ITGA3: variants seen among roughly 807,000 people sequenced by gnomAD.
ITGA3 encodes the protein integrin subunit alpha 3.
A neutral mutation model predicts 131.1 loss-of-function variants in ITGA3; 70 were observed. The observed-to-expected ratio is 0.53, with a 90% confidence interval of 0.44 to 0.65. ITGA3 has a LOEUF of 0.65. ITGA3 is among the 30% of genes least tolerant of loss of function. The pLI is 0.00. For synonymous variants in ITGA3, 537 were observed against 571.6 expected, an observed-to-expected ratio of 0.94 and a Z score of 0.86; for missense variants, 1,098 against 1,388.6, an observed-to-expected ratio of 0.79 and a Z score of 3.33.
intron 4 of ITGA3, among the ~76,000 whole-genome samples, chr17:50,069,342 C>T (rs1241585612): frequency 2.0e-5 from 3 of 152,172 alleles, no homozygotes; most frequent in African/African-American, 4.8e-5. Flanking sequence ...CTGGTACAAC[C>T]ACTACATAGT....
At chr17:50,071,702 C>T (rs780925917) in intron 6 of ITGA3, 184 bp downstream of exon 6, 27 of 642,852 alleles carry the variant, frequency 4.2e-5, no homozygotes, top group Non-Finnish European at 5.6e-5. Flanking sequence ...GGGACCCCTG[C>T]GTTTGCTTGT....
intron 1 of ITGA3, 123 bp from the exon 2 acceptor site, chr17:50,063,954 A>G: frequency 7.4e-7 from 1 of 1,356,058 alleles, no homozygotes; most frequent in Non-Finnish European, 1.0e-6. Context: ...GCACTTCTGG[A>G]GGGCAGGAGC....
intron 1 of ITGA3, among the ~76,000 whole-genome samples, chr17:50,057,195 A>G (rs760747570): frequency 2.7e-4 from 41 of 152,108 alleles, no homozygotes; most frequent in South Asian, 6.2e-4. Flanking sequence ...AGCTGTCCAT[A>G]CGCTCCCTCT....
Position 50,079,511 on chromosome 17 carries a change from C to T in ITGA3, c.2660C>T (p.Pro887Leu), listed in dbSNP as rs1456957678. Residue 887 changes from proline to leucine, a missense_variant, in exon 21 of 26, where the codon CCT becomes CTT. By Grantham distance (98) the Pro-to-Leu change is moderately conservative (BLOSUM62 -3). Around this residue, in one of 3 missense-constraint regions of ITGA3, gnomAD observed 699 missense variants for 829.2 expected, o/e 0.84. Coordinates refer to ENST00000320031, the MANE Select transcript of ITGA3 (RefSeq NM_002204.4). ...CCAGGGGGAGGCCAGGGCCCCCCAC[C>T]TGTCACTCTGGCTGCTGCCAAAAAA... The part of the protein sequence containing the change: ...LDPGGGQGPP[P>L]VTLAAAKKAK... 2 of 1,574,436 alleles carry T rather than the reference C, an allele frequency of 1.3e-6. No individual in the cohort carries two copies. The highest frequency in any genetic ancestry group is 1.4e-5 in the African/African-American group (1 of 73,494).
rs1907852608 is a variant in ITGA3 at position 50,056,899 on chromosome 17, G to C, written c.206+254G>C. ...GCCCTTTAGATCTCTCATGAGAGCG[G>C]AAGTGGGGTCCCGGTGGCTGAGTCC... is the stretch of plus-strand genomic sequence containing the variant. On this transcript the variant is annotated intron_variant, in intron 1 of 25. Coordinates refer to ENST00000320031, the MANE Select transcript of ITGA3 (RefSeq NM_002204.4). The surrounding 1 kb of genome is among the most constrained non-coding windows in gnomAD (Gnocchi z 5.6). Among the ~76,000 whole-genome samples the C allele has an allele frequency of 6.6e-6, 1 of 152,182 alleles. No individual in the cohort carries two copies. Among genetic ancestry groups the C allele is most frequent in the Admixed American group, 6.5e-5 (1 of 15,284 alleles).
Position 50,074,468 on chromosome 17 carries a change from T to C in ITGA3, c.1403T>C (p.Ile468Thr), listed in dbSNP as rs1180951579. 6.2e-7 allele frequency: 1 copy of C among 1,614,018 alleles called. No individual in the cohort carries two copies. Among genetic ancestry groups the C allele is most frequent in the East Asian group, 2.2e-5 (1 of 44,900 alleles). ...VLLRARPVIN[I>T]VHKTLVPRPA... ...TGCAGGGCCCGGCCCGTCATCAACA[T>C]CGTCCACAAGACCTTGGTGCCCAGG... is the stretch of plus-strand genomic sequence containing the variant. The change falls in exon 10 of 26, where the codon ATC (isoleucine) becomes ACC (threonine). Residue 468 changes from isoleucine (I) to threonine (T), a missense_variant. Ile to Thr is a moderately conservative substitution (Grantham distance 89, BLOSUM62 -1). Around this residue, in one of 3 missense-constraint regions of ITGA3, gnomAD observed 699 missense variants for 829.2 expected, o/e 0.84. Transcript: ENST00000320031.
intron 25 of ITGA3, 97 bp from the exon 26 acceptor site, chr17:50,089,013 G>C: frequency 2.2e-6 from 2 of 895,812 alleles, no homozygotes; most frequent in Non-Finnish European, 3.6e-6. Context: ...TTCTGGCTTT[G>C]AGGAGTTCTG....
Position 50,089,315 on chromosome 17 carries a change from A to G in ITGA3, c.*237A>G, listed in dbSNP as rs915227795. 37 of 1,534,074 alleles carry G rather than the reference A, an allele frequency of 2.4e-5. No homozygotes were observed. The highest frequency in any genetic ancestry group is 3.0e-5 in the Non-Finnish European group (34 of 1,121,854). On this transcript the variant is annotated 3_prime_UTR_variant, in exon 26 of 26. Transcript: ENST00000320031. ...CTCCCCCAGTGTCCCCTTTCTTCCT[A>G]TTTATCATAAGTTATGCCTCTGACA...
chr17:50,068,002 C>T, intron 3 of ITGA3, 54 bp from the exon 4 acceptor site: 1 of 1,605,238 alleles, frequency 6.2e-7, no homozygotes, highest in Non-Finnish European at 8.5e-7. Context: ...AAAGAGACAG[C>T]TGACCCGGGT....
At chr17:50,088,193 G>A in intron 24 of ITGA3, 32 bp from the exon 25 acceptor site, 1 of 1,544,332 alleles carries the variant, frequency 6.5e-7, no homozygotes, top group Non-Finnish European at 8.7e-7. Context: ...GCGCCCCCCT[G>A]ATGGCCCGTC....
chr17:50,067,984 A>G (rs1908413267), intron 3 of ITGA3, 72 bp from the exon 4 acceptor site: 1 of 1,586,894 alleles, frequency 6.3e-7, no homozygotes, highest in Non-Finnish European at 8.6e-7. Context: ...CCAGAGGCTT[A>G]CAGGGTAAAA....
In ITGA3 at chr17:50,076,701, C is replaced by T. The variant is rs1446729969; in HGVS notation, c.1922+20C>T. On this transcript the variant is annotated intron_variant, in intron 14 of 25. Transcript: ENST00000320031. ...GAGCAGGTGGCTGTGGGCCGCCGGCCGCGTTAATCGGCCAAGGGTGGGACG... is the reference window on the plus strand; with the variant it reads ...GAGCAGGTGGCTGTGGGCCGCCGGCTGCGTTAATCGGCCAAGGGTGGGACG... 6.3e-7 allele frequency: 1 copy of T among 1,589,094 alleles called. No individual in the cohort carries two copies. Among genetic ancestry groups the T allele is most frequent in the Non-Finnish European group, 8.6e-7 (1 of 1,158,646 alleles).
chr17:50,089,312 C>A lies in ITGA3; in HGVS notation c.*234C>A. Reference sequence around the variant, plus strand: ...CTCCTCCCCCAGTGTCCCCTTTCTTCCTATTTATCATAAGTTATGCCTCTG... The same window carrying A: ...CTCCTCCCCCAGTGTCCCCTTTCTTACTATTTATCATAAGTTATGCCTCTG... On this transcript the variant is annotated 3_prime_UTR_variant, in exon 26 of 26. Transcript: ENST00000320031. The A allele has an allele frequency of 6.5e-7, 1 of 1,530,256 alleles. No individual in the cohort carries two copies. Among genetic ancestry groups the A allele is most frequent in the Non-Finnish European group, 9.0e-7 (1 of 1,113,976 alleles). 94.8% of individuals were successfully genotyped at this position (1,530,256 alleles called of 1,614,324 possible).
At chr17:50,074,725 G>A (rs755585914) in intron 10 of ITGA3, among the ~76,000 whole-genome samples, 191 bp downstream of exon 10, 4 of 152,182 alleles carry the variant, frequency 2.6e-5, no homozygotes, top group Admixed American at 6.5e-5. Flanking sequence ...GGATGAAGTC[G>A]GGGGCAGTAG....
At chr17:50,085,788 ATG>A (rs1909364053) in intron 23 of ITGA3, among the ~76,000 whole-genome samples, 1 of 120,074 alleles carries the variant, frequency 8.3e-6, no homozygotes, top group African/African-American at 2.9e-5. Flanking sequence ...TAGATTTATA[ATG>A]TATATTAGAT....
At position 50,064,359 on chromosome 17, in the gene ITGA3, C is replaced by A; in HGVS notation, c.334+155C>A. 2 of 1,157,398 alleles carry A rather than the reference C, an allele frequency of 1.7e-6. No individual in the cohort carries two copies. Among genetic ancestry groups the A allele is most frequent in the Non-Finnish European group, 2.4e-6 (2 of 818,312 alleles). The allele number at this position is 1,157,398 out of a possible 1,614,324, so 71.7% of individuals were successfully genotyped here. ...GAGGGTGCCCTAGAGGAGAGTGGGG[C>A]TGGATGGGATTGGTAGAGCTCAGAA... is the stretch of plus-strand genomic sequence containing the variant. On this transcript the variant is annotated intron_variant, in intron 2 of 25. Transcript: ENST00000320031. This position sits in a 1 kb window ranked among gnomAD's most constrained non-coding sequence, Gnocchi z 4.4.
At chr17:50,069,533 G>T (rs1202578338) in intron 4 of ITGA3, among the ~76,000 whole-genome samples, 1 of 152,066 alleles carries the variant, frequency 6.6e-6, no homozygotes, top group Non-Finnish European at 1.5e-5. Context: ...AGGTGTGGTG[G>T]CACACACCTA....
chr17:50,070,964 G>A (rs756850578), intron 5 of ITGA3, 34 bp downstream of exon 5: 7 of 1,332,968 alleles, frequency 5.3e-6, no homozygotes, highest in Non-Finnish European at 6.5e-6. Context: ...TCAAGTGGTA[G>A]AGGGGAAGGG....
Position 50,079,214 on chromosome 17 carries a change from C to T in ITGA3, c.2539C>T (p.Arg847Ter), listed in dbSNP as rs776144991. ...TVHGNGSWPC[R>*]PPGDLINPLN... is the part of the protein sequence containing the mutation. The stretch of plus-strand genomic sequence containing the variant: ...CCATGGCAATGGGTCCTGGCCCTGC[C>T]GACCACCTGGAGACCTTATCAACCC... The change falls in exon 20 of 26, where the codon CGA (arginine) becomes TGA (stop). Residue 847 changes from arginine (R) to a stop codon, truncating the protein, a stop_gained. Coordinates refer to ENST00000320031, the MANE Select transcript of ITGA3 (RefSeq NM_002204.4). LOFTEE classifies it high-confidence loss of function. 3.1e-6 allele frequency: 5 copies of T among 1,613,880 alleles called. No individual in the cohort carries two copies. Among genetic ancestry groups the T allele is most frequent in the East Asian group, 2.2e-5 (1 of 44,866 alleles).
Sources: allele counts gnomAD v4.1 joint callset (sites outside exome capture counted in the v4.1 genomes callset), GRCh38; gene constraint gnomAD v4.1.1; regional missense constraint gnomAD v4.1.1; non-coding constraint Gnocchi (gnomAD v3.1); transcripts MANE v1.5; gene names NCBI Gene and HGNC (gene_info 2026-07-23, HGNC 2026-07-21).